The following KLF12 variants were observed in gnomAD, a reference collection of about 807,000 sequenced individuals.
KLF12 encodes Krueppel-like factor 12.
KLF12 carries 9 observed loss-of-function variants against 37.8 expected under a neutral mutation model. The ratio of observed to expected loss-of-function variants is 0.24; its 90% confidence interval spans 0.14 to 0.42. The LOEUF (loss-of-function observed/expected upper bound fraction) is 0.42. Among genes scored for constraint, KLF12 ranks in the 10% least tolerant of loss-of-function variants. The pLI, the probability that KLF12 is intolerant of heterozygous loss-of-function variation, is 1.00. For synonymous variants in KLF12, 208 were observed against 202.1 expected (o/e 1.03, Z -0.25); for missense variants, 411 against 516.0 (o/e 0.80, Z 1.97).
intron 3 of KLF12, among the ~76,000 whole-genome samples, chr13:73,912,281 T>C (rs574373348): frequency 1.1e-4 from 17 of 152,302 alleles, no homozygotes; most frequent in Middle Eastern, 3.4e-3. Context: ...GGGAAAAACA[T>C]AAACTTAAAC....
chr13:73,897,547 A>G (rs1322222696), intron 3 of KLF12, among the ~76,000 whole-genome samples: 1 of 142,052 alleles, frequency 7.0e-6, no homozygotes, highest in African/African-American at 2.4e-5. Flanking sequence ...CTCCTGCCTC[A>G]TTCATGTCTC....
intron 2 of KLF12, among the ~76,000 whole-genome samples, chr13:73,956,851 G>A (rs1890850373): frequency 1.3e-5 from 2 of 151,940 alleles, no homozygotes; most frequent in Admixed American, 6.6e-5. Context: ...CTTGAGCCTG[G>A]GAGGTCGAGG....
intron 3 of KLF12, among the ~76,000 whole-genome samples, chr13:73,929,476 C>G (rs370167132): frequency 1.3e-5 from 2 of 152,232 alleles, no homozygotes; most frequent in Admixed American, 1.3e-4. Context: ...CACATCGTAT[C>G]GCATAGTCAT....
the KLF12 span, among the ~76,000 whole-genome samples, chr13:74,269,218 A>G: frequency 7.2e-5 from 11 of 152,174 alleles, no homozygotes; most frequent in Admixed American, 4.6e-4. Context: ...TGGGGAAGGC[A>G]TATTCATCTT....
chr13:73,963,911 G>A (rs946525650), intron 2 of KLF12, among the ~76,000 whole-genome samples: 2 of 152,162 alleles, frequency 1.3e-5, no homozygotes, highest in African/African-American at 2.4e-5. Flanking sequence ...CAAAAGAACT[G>A]GCAAAAAGAT....
chr13:73,721,641 C>T (rs930978063), intron 6 of KLF12, among the ~76,000 whole-genome samples: 1 of 152,158 alleles, frequency 6.6e-6, no homozygotes, highest in Non-Finnish European at 1.5e-5. Context: ...GAGCCTCAAA[C>T]TCCTGGACTC....
At chr13:73,887,949 T>C (rs967165639) in intron 3 of KLF12, among the ~76,000 whole-genome samples, 3 of 152,170 alleles carry the variant, frequency 2.0e-5, no homozygotes, top group Admixed American at 6.5e-5. Flanking sequence ...GTTTTATTTA[T>C]ACAAAAGAAA....
chr13:73,914,782 G>A (rs768785330), intron 3 of KLF12, among the ~76,000 whole-genome samples: 10 of 152,082 alleles, frequency 6.6e-5, no homozygotes, highest in Non-Finnish European at 1.3e-4. Context: ...ATGGGCAGGG[G>A]AACTATGTGT....
chr13:74,116,209 T>C (rs1172537237), intron 1 of KLF12, among the ~76,000 whole-genome samples: 4 of 152,328 alleles, frequency 2.6e-5, no homozygotes, highest in East Asian at 1.9e-4. Context: ...TTTTTTTTAC[T>C]AAGAAATTAC....
At chr13:73,697,689 T>C (rs1211419929) in intron 7 of KLF12, among the ~76,000 whole-genome samples, 2 of 152,186 alleles carry the variant, frequency 1.3e-5, no homozygotes, top group Non-Finnish European at 2.9e-5. Flanking sequence ...GCTAGTTGGA[T>C]GTTGGTCACC....
At chr13:73,957,917 C>T (rs1256088412) in intron 2 of KLF12, among the ~76,000 whole-genome samples, 2 of 152,220 alleles carry the variant, frequency 1.3e-5, no homozygotes, top group East Asian at 3.9e-4. Flanking sequence ...AACGTTGGAT[C>T]CTTTCTAGAA....
chr13:73,697,636 T>C (rs1874243624), intron 7 of KLF12, among the ~76,000 whole-genome samples: 1 of 152,184 alleles, frequency 6.6e-6, no homozygotes, highest in African/African-American at 2.4e-5. Flanking sequence ...TTGATAAAAT[T>C]CATCTTTTCA....
chr13:74,017,513 A>G (rs1274346962), intron 1 of KLF12, among the ~76,000 whole-genome samples: 1 of 151,366 alleles, frequency 6.6e-6, no homozygotes, highest in Non-Finnish European at 1.5e-5. Flanking sequence ...ATAAAAAGCT[A>G]TAGTACGTTG....
intron 1 of KLF12, among the ~76,000 whole-genome samples, chr13:74,088,100 G>C (rs2138800613): frequency 6.6e-6 from 1 of 152,050 alleles, no homozygotes; most frequent in Admixed American, 6.5e-5. Flanking sequence ...CAGCATCATG[G>C]GGCACAAAGA....
At chr13:74,252,513 A>G in the KLF12 span, among the ~76,000 whole-genome samples, 1 of 152,202 alleles carries the variant, frequency 6.6e-6, no homozygotes, top group Non-Finnish European at 1.5e-5. Flanking sequence ...CACAGCACCC[A>G]GATTCCATGT....
intron 3 of KLF12, among the ~76,000 whole-genome samples, chr13:73,877,600 A>C (rs1886776925): frequency 6.6e-6 from 1 of 152,208 alleles, no homozygotes; most frequent in African/African-American, 2.4e-5. Context: ...TGATATTGAC[A>C]GGTTGGCTGT....
intron 1 of KLF12, among the ~76,000 whole-genome samples, chr13:74,097,862 A>T: frequency 7.2e-6 from 1 of 138,724 alleles, no homozygotes; most frequent in African/African-American, 2.9e-5. Flanking sequence ...AAATATATAT[A>T]TTTTTAAATA....
At chr13:73,816,456 T>C (rs1184357940) in intron 4 of KLF12, among the ~76,000 whole-genome samples, 1 of 152,180 alleles carries the variant, frequency 6.6e-6, no homozygotes, top group African/African-American at 2.4e-5. Flanking sequence ...CTGGTAGAGG[T>C]GTCATTCCTC....
At chr13:73,745,226 C>T (rs936749843) in intron 6 of KLF12, among the ~76,000 whole-genome samples, 4 of 152,162 alleles carry the variant, frequency 2.6e-5, no homozygotes, top group African/African-American at 7.2e-5. Flanking sequence ...TAAGAGAACA[C>T]ATATTACAAA....
Sources: gnomAD v4.1 joint callset for allele counts (sites outside exome capture counted in the v4.1 genomes callset) on GRCh38, gnomAD v4.1.1 for gene constraint, MANE v1.5 for transcripts, NCBI Gene and HGNC (gene_info 2026-07-23, HGNC 2026-07-21) for gene names.